Variants in GRIP2 observed in about 807,000 individuals in gnomAD.
GRIP2 encodes the protein glutamate receptor-interacting protein 2.
In GRIP2, 58 loss-of-function variants were observed where a neutral mutation model predicts 108.3. The observed-to-expected ratio is 0.54, with a 90% CI of 0.43 to 0.67. The LOEUF is 0.67. Among genes scored for constraint, GRIP2 ranks in the 30% least tolerant of loss-of-function variants. The pLI, the probability that GRIP2 is intolerant of heterozygous loss-of-function variation, is 0.00. For missense variants in GRIP2, 1,278 were observed against 1,430.6 expected (o/e 0.89, Z 1.72); for synonymous variants, 586 against 598.2 (o/e 0.98, Z 0.30).
chr3:14,554,404 G>A (rs1695200722), intron 1 of GRIP2, among the ~76,000 whole-genome samples: 1 of 152,124 alleles, frequency 6.6e-6, no homozygotes, highest in African/African-American at 2.4e-5. Flanking sequence ...GATCCCACTG[G>A]GCCCTTACGG....
chr3:14,527,663 G>A (rs1694600493), intron 1 of GRIP2, among the ~76,000 whole-genome samples: 1 of 152,132 alleles, frequency 6.6e-6, no homozygotes, highest in Non-Finnish European at 1.5e-5. Flanking sequence ...GTCAAGGTGG[G>A]CAGATCAGCT....
At chr3:14,532,357 C>A (rs887725162) in intron 1 of GRIP2, among the ~76,000 whole-genome samples, 1 of 151,752 alleles carries the variant, frequency 6.6e-6, no homozygotes, top group African/African-American at 2.4e-5. Context: ...TCAGTCTGGG[C>A]CAGCGTCAGG....
the GRIP2 span, among the ~76,000 whole-genome samples, chr3:14,587,084 T>A: frequency 2.6e-5 from 4 of 152,248 alleles, no homozygotes; most frequent in African/African-American, 9.6e-5. Flanking sequence ...TAACAACAAT[T>A]ACATGCTTAA....
chr3:14,520,138 ACT>A lies in GRIP2; in HGVS notation c.1000_1001del (p.Gln335AlafsTer15). 6.2e-7 allele frequency: 1 copy of A among 1,608,072 alleles called. No homozygotes were observed. The highest frequency in any genetic ancestry group is 8.5e-7 in the Non-Finnish European group (1 of 1,178,106). ...VRLEILPVPQ[S>X]QRPLRPSEAV... is the part of the protein sequence containing the mutation. The stretch of plus-strand genomic sequence containing the variant: ...CCTCTGAGGGCCTCAGTGGCCGCTG[ACT>A]CTGGGGCACAGGCAGGATCTCCAGC... On this transcript the variant is annotated frameshift_variant, in exon 9 of 24. Transcript: ENST00000621039. LOFTEE classifies it high-confidence loss of function.
chr3:14,507,684 C>A lies in GRIP2; in HGVS notation c.2095G>T (p.Val699Leu). The change falls in exon 18 of 24, where the codon GTG becomes TTG. Residue 699 changes from valine to leucine, a missense_variant. Val to Leu is a conservative substitution (Grantham distance 32, BLOSUM62 1). Coordinates refer to ENST00000621039, the MANE Select transcript of GRIP2 (RefSeq NM_001080423.4). This position sits in a 1 kb window ranked among gnomAD's most constrained non-coding sequence, Gnocchi z 4.6. ...GLAERTGAIH[V>L]GDRILAINNV... ...TTGATGGCCAGAATGCGGTCCCCCA[C>A]GTGGATGGCACCAGTCCTGAGGAGT... is the stretch of plus-strand genomic sequence containing the variant. 1 of 1,613,962 alleles carries A rather than the reference C, an allele frequency of 6.2e-7. No homozygotes were observed. Among genetic ancestry groups the A allele is most frequent in the Non-Finnish European group, 8.5e-7 (1 of 1,179,858 alleles).
chr3:14,525,719 A>T lies in GRIP2; in HGVS notation c.121+132T>A. On this transcript the variant is annotated intron_variant, in intron 2 of 23. Transcript: ENST00000621039. Reference sequence around the variant, plus strand: ...TGATCACCTCCTTTTTACAGAGGAGAATCAGAGAGGTTAAGTGGCTGGTCT... The same window carrying T: ...TGATCACCTCCTTTTTACAGAGGAGTATCAGAGAGGTTAAGTGGCTGGTCT... The T allele has an allele frequency of 4.6e-6, 6 of 1,310,130 alleles. No individual in the cohort carries two copies. In the South Asian group the frequency reaches 7.9e-5, roughly 17 times the overall value. 81.2% of individuals were successfully genotyped at this position (1,310,130 alleles called of 1,614,324 possible).
rs756409111 is a variant in GRIP2 at position 14,517,052 on chromosome 3, A to G, written c.1306+12T>C. The G allele has an allele frequency of 2.0e-6, 3 of 1,529,364 alleles. No individual in the cohort carries two copies. The highest frequency in any genetic ancestry group is 2.6e-6 in the Non-Finnish European group (3 of 1,136,864). 94.7% of individuals were successfully genotyped at this position (1,529,364 alleles called of 1,614,324 possible). Reference sequence around the variant, plus strand: ...AAGCAGCCCAAGGAGGAGGGAAGAGACCACAGCTTACACGAGCTCTTGTGT... The same window carrying G: ...AAGCAGCCCAAGGAGGAGGGAAGAGGCCACAGCTTACACGAGCTCTTGTGT... On this transcript the variant is annotated intron_variant, in intron 11 of 23. Transcript: ENST00000621039.
chr3:14,570,861 T>C, the GRIP2 span, among the ~76,000 whole-genome samples: 2 of 152,350 alleles, frequency 1.3e-5, no homozygotes, highest in African/African-American at 4.8e-5. Flanking sequence ...AAAGTTCTGC[T>C]TTTGAAATGA....
At chr3:14,526,849 A>C (rs909925635) in intron 1 of GRIP2, among the ~76,000 whole-genome samples, 1 of 152,216 alleles carries the variant, frequency 6.6e-6, no homozygotes, top group African/African-American at 2.4e-5. Flanking sequence ...AGAGATTCTC[A>C]AAATGTGGTC....
chr3:14,599,221 G>T, the GRIP2 span, among the ~76,000 whole-genome samples: 1 of 152,182 alleles, frequency 6.6e-6, no homozygotes, highest in African/African-American at 2.4e-5. Flanking sequence ...CCTTCTTGCT[G>T]CATCTATGTT....
Position 14,511,598 on chromosome 3 carries a change from C to T in GRIP2, c.1721-119G>A. 1 of 931,782 alleles carries T rather than the reference C, an allele frequency of 1.1e-6. No individual in the cohort carries two copies. The allele number at this position is 931,782 out of a possible 1,614,324, so 57.7% of individuals were successfully genotyped here. ...TGGTCCTACTCACATCCTGGTCCCACTGCTTCCTGGCTGGGTGACCGTGAG... is the reference window on the plus strand; with the variant it reads ...TGGTCCTACTCACATCCTGGTCCCATTGCTTCCTGGCTGGGTGACCGTGAG... On this transcript the variant is annotated intron_variant, in intron 14 of 23. Transcript: ENST00000621039. The surrounding 1 kb of genome is among the most constrained non-coding windows in gnomAD (Gnocchi z 4.1).
upstream of GRIP2, among the ~76,000 whole-genome samples, chr3:14,543,571 C>T (rs1695012132): frequency 6.6e-6 from 1 of 152,260 alleles, no homozygotes; most frequent in South Asian, 2.1e-4. Context: ...CAAAGACGAT[C>T]CTTCTTGTCC....
rs1694474326 is a variant in GRIP2, at chr3:14,523,672, A to C, written c.430T>G (p.Ser144Ala). ...PAPENNPRII[S>A]KTVDVSLYKE... ...TAGAGGGAGACGTCCACTGTCTTTG[A>C]AATGATCCTGGGGTTATTCTCAGGA... Residue 144 changes from serine (S) to alanine (A), a missense_variant, in exon 5 of 24, where the codon TCA (serine) becomes GCA (alanine). Physicochemically the swap from Ser to Ala is moderately conservative, Grantham distance 99. Transcript: ENST00000621039. 6.2e-7 allele frequency: 1 copy of C among 1,611,874 alleles called. No homozygotes were observed. Among genetic ancestry groups the C allele is most frequent in the Non-Finnish European group, 8.5e-7 (1 of 1,179,150 alleles).
chr3:14,514,188 T>G, intron 12 of GRIP2, 104 bp downstream of exon 12: 1 of 1,076,422 alleles, frequency 9.3e-7, no homozygotes, highest in Non-Finnish European at 1.3e-6. Flanking sequence ...CTGGGGCTGA[T>G]GCAATGGTTA....
chr3:14,531,609 C>T (rs891541981), intron 1 of GRIP2, among the ~76,000 whole-genome samples: 12 of 152,198 alleles, frequency 7.9e-5, no homozygotes, highest in Non-Finnish European at 1.5e-5. Flanking sequence ...TTATCTTGTT[C>T]CACCTCATTC....
At chr3:14,538,317 G>A (rs1284824525) in intron 1 of GRIP2, among the ~76,000 whole-genome samples, 1 of 152,180 alleles carries the variant, frequency 6.6e-6, no homozygotes, top group Non-Finnish European at 1.5e-5. Context: ...CATCAGGGGT[G>A]GGCATGTGAT....
At chr3:14,584,524 T>G in the GRIP2 span, among the ~76,000 whole-genome samples, 119,986 of 152,074 alleles carry the variant, frequency 0.79, 47,471 homozygotes, top group South Asian at 0.87. Context: ...GCGGGGAAGG[T>G]GTGCTCGCTA....
intron 20 of GRIP2, among the ~76,000 whole-genome samples, chr3:14,504,331 A>C (rs1282539587): frequency 1.2e-5 from 1 of 85,794 alleles, no homozygotes; most frequent in African/African-American, 5.6e-5. Context: ...TTTTTTTTTG[A>C]GACAGAGTCT....
the GRIP2 span, among the ~76,000 whole-genome samples, chr3:14,575,623 T>A: frequency 1.9e-3 from 295 of 152,218 alleles, no homozygotes; most frequent in Non-Finnish European, 3.2e-3. Context: ...GACAGGAGGG[T>A]GGGAGCTCGT....
Sources: allele counts gnomAD v4.1 joint callset (sites outside exome capture counted in the v4.1 genomes callset), GRCh38; gene constraint gnomAD v4.1.1; non-coding constraint Gnocchi (gnomAD v3.1); transcripts MANE v1.5; gene names NCBI Gene and HGNC (gene_info 2026-07-23, HGNC 2026-07-21).